Variants in NXPE2 observed in about 807,000 individuals in gnomAD.
NXPE2 encodes the protein neurexophilin and PC-esterase domain family member 2, also known as NXPE family member 2.
Under a neutral mutation model 34.4 loss-of-function variants are expected in NXPE2, and 34 were observed. That is an observed-to-expected ratio of 0.99 (90% confidence interval 0.75 to 1.31). NXPE2 has a LOEUF of 1.31. Ranked by LOEUF, NXPE2 falls within the 40% of genes most tolerant of loss-of-function variation. The pLI is 0.00. For synonymous variants in NXPE2, 235 were observed against 231.3 expected (o/e 1.02, Z -0.15); for missense variants, 649 against 672.5 (o/e 0.97, Z 0.39).
the NXPE2 span, among the ~76,000 whole-genome samples, chr11:114,602,140 A>G: frequency 9.6e-6 from 1 of 103,924 alleles, no homozygotes; most frequent in Non-Finnish European, 1.7e-5. Flanking sequence ...CATAACATAT[A>G]CTATATATAA....
the NXPE2 span, among the ~76,000 whole-genome samples, chr11:114,718,379 T>A: frequency 6.6e-6 from 1 of 152,168 alleles, no homozygotes; most frequent in South Asian, 2.1e-4. Flanking sequence ...ACCATCAAAG[T>A]CAACATTAAC....
the NXPE2 span, among the ~76,000 whole-genome samples, chr11:114,755,150 A>G: frequency 6.6e-6 from 1 of 152,276 alleles, no homozygotes; most frequent in Non-Finnish European, 1.5e-5. Flanking sequence ...GAGCAGAAAA[A>G]TGGGGTTGGA....
At chr11:114,631,919 T>C in the NXPE2 span, among the ~76,000 whole-genome samples, 2 of 151,378 alleles carry the variant, frequency 1.3e-5, no homozygotes, top group Admixed American at 6.6e-5. Flanking sequence ...TCACTACTGT[T>C]ACCCGGTGGA....
the NXPE2 span, among the ~76,000 whole-genome samples, chr11:114,628,924 G>A: frequency 0.085 from 12,882 of 151,942 alleles, 705 homozygotes; most frequent in Middle Eastern, 0.2. Flanking sequence ...GAATCTAGAA[G>A]AAATGGATAA....
At chr11:114,689,155 T>C (rs1365639996) in intron 2 of NXPE2, among the ~76,000 whole-genome samples, 1 of 152,106 alleles carries the variant, frequency 6.6e-6, no homozygotes, top group African/African-American at 2.4e-5. Context: ...CTTGTTTTTC[T>C]ATTTCCTTTA....
the NXPE2 span, among the ~76,000 whole-genome samples, chr11:114,586,035 G>A: frequency 6.6e-6 from 1 of 152,116 alleles, no homozygotes. Flanking sequence ...TATGCAAATG[G>A]CACACCGAGT....
chr11:114,763,183 A>G, the NXPE2 span, among the ~76,000 whole-genome samples: 3 of 152,142 alleles, frequency 2.0e-5, no homozygotes, highest in Non-Finnish European at 4.4e-5. Flanking sequence ...GTGCTTTTCT[A>G]TCTTTTTACT....
chr11:114,777,976 C>G, the NXPE2 span, among the ~76,000 whole-genome samples: 1 of 152,168 alleles, frequency 6.6e-6, no homozygotes. Flanking sequence ...GCTTACAGTC[C>G]AGGGGCAAAG....
At chr11:114,643,892 T>C in the NXPE2 span, among the ~76,000 whole-genome samples, 2 of 152,196 alleles carry the variant, frequency 1.3e-5, no homozygotes, top group African/African-American at 2.4e-5. Flanking sequence ...TTCCTATTCA[T>C]GAGCATGGAG....
chr11:114,644,406 C>G, the NXPE2 span, among the ~76,000 whole-genome samples: 1 of 151,986 alleles, frequency 6.6e-6, no homozygotes, highest in Non-Finnish European at 1.5e-5. Context: ...ATAAATTGCT[C>G]TTATTATTTT....
At chr11:114,737,146 C>G in the NXPE2 span, among the ~76,000 whole-genome samples, 1 of 152,186 alleles carries the variant, frequency 6.6e-6, no homozygotes, top group African/African-American at 2.4e-5. Flanking sequence ...CAATTTCGAT[C>G]TTTGCTCTAG....
At chr11:114,722,062 C>G in the NXPE2 span, among the ~76,000 whole-genome samples, 1 of 152,122 alleles carries the variant, frequency 6.6e-6, no homozygotes, top group African/African-American at 2.4e-5. Context: ...GAGTCTCAAC[C>G]TTTTCTTCAT....
chr11:114,529,340 T>C, the NXPE2 span: 1 of 152,438 alleles, frequency 6.6e-6, no homozygotes, highest in African/African-American at 2.4e-5. Flanking sequence ...AGTTCTGGGA[T>C]TTGTGATAAC....
At chr11:114,613,297 T>G in the NXPE2 span, among the ~76,000 whole-genome samples, 1,531 of 152,004 alleles carry the variant, frequency 0.01, 28 homozygotes, top group Middle Eastern at 0.017. Flanking sequence ...AGGTGGATAA[T>G]AAGTACTGCC....
the NXPE2 span, among the ~76,000 whole-genome samples, chr11:114,550,019 C>T: frequency 6.6e-6 from 1 of 151,900 alleles, no homozygotes; most frequent in Non-Finnish European, 1.5e-5. Context: ...CACACGTGTC[C>T]AAGATTTATA....
chr11:114,602,949 TATCTC>T, the NXPE2 span, among the ~76,000 whole-genome samples: 1 of 149,884 alleles, frequency 6.7e-6, no homozygotes, highest in Non-Finnish European at 1.5e-5. Flanking sequence ...GAATCATAAT[TATCTC>T]ATATACAATT....
At chr11:114,667,404 A>G in the NXPE2 span, among the ~76,000 whole-genome samples, 116 of 152,294 alleles carry the variant, frequency 7.6e-4, no homozygotes, top group Admixed American at 2.4e-3. Flanking sequence ...TAATTCAGTT[A>G]GAGATTATCC....
At chr11:114,533,537 C>T in the NXPE2 span, among the ~76,000 whole-genome samples, 1 of 152,176 alleles carries the variant, frequency 6.6e-6, no homozygotes, top group Non-Finnish European at 1.5e-5. Flanking sequence ...CTTTCCTAGT[C>T]AAAGAAAGGG....
chr11:114,639,130 C>A, the NXPE2 span, among the ~76,000 whole-genome samples: 9 of 152,094 alleles, frequency 5.9e-5, no homozygotes, highest in African/African-American at 1.9e-4. Flanking sequence ...CCAGTTCGAG[C>A]TTCCCGGCTG....
Sources: gnomAD v4.1 joint callset for allele counts (sites outside exome capture counted in the v4.1 genomes callset) on GRCh38, gnomAD v4.1.1 for gene constraint, MANE v1.5 for transcripts, NCBI Gene and HGNC (gene_info 2026-07-23, HGNC 2026-07-21) for gene names.